The following SERAC1 variants were observed in gnomAD, a reference collection of about 807,000 sequenced individuals.
SERAC1 encodes the protein serine active site containing 1, also known as protein SERAC1.
A neutral mutation model predicts 85.7 loss-of-function variants in SERAC1; 36 were observed. The ratio of observed to expected loss-of-function variants is 0.42; its 90% CI spans 0.32 to 0.55. The LOEUF is 0.55. Ranked by LOEUF, SERAC1 falls within the 20% of genes least tolerant of loss-of-function variation. The pLI, the probability that SERAC1 is intolerant of heterozygous loss-of-function variation, is 0.11. For synonymous variants in SERAC1, 242 were observed against 265.3 expected (o/e 0.91, Z 0.85); for missense variants, 629 against 796.2 (o/e 0.79, Z 2.53).
At chr6:158,136,992 T>C (rs1784809213) in intron 8 of SERAC1, among the ~76,000 whole-genome samples, 1 of 152,012 alleles carries the variant, frequency 6.6e-6, no homozygotes, top group Non-Finnish European at 1.5e-5. Context: ...ACCCCGTCTC[T>C]ACTAAAAATA....
chr6:158,167,600 C>G (rs1265321111), intron 1 of SERAC1, among the ~76,000 whole-genome samples: 3 of 149,210 alleles, frequency 2.0e-5, no homozygotes, highest in Admixed American at 1.3e-4. Flanking sequence ...ACCTAAGGAA[C>G]AGAAAACAAG....
rs1039073082 is a variant in SERAC1, at chr6:158,168,127, C to G, written c.-2+13G>C. 6.6e-6 allele frequency: 1 copy of G among 152,576 alleles called. No homozygotes were observed. Among genetic ancestry groups the G allele is most frequent in the Non-Finnish European group, 1.5e-5 (1 of 68,370 alleles). The allele number at this position is 152,576 out of a possible 1,614,324, so 9.5% of individuals were successfully genotyped here. On this transcript the variant is annotated intron_variant, in intron 1 of 16. Coordinates refer to ENST00000647468, the MANE Select transcript of SERAC1 (RefSeq NM_032861.4). ...CCGTCCGCCCCCACACCACCCCTGCCTTCACGTCCTACCTGCCGGCAGGCG... is the reference window on the plus strand; with the variant it reads ...CCGTCCGCCCCCACACCACCCCTGCGTTCACGTCCTACCTGCCGGCAGGCG...
rs1385785797 is a variant in SERAC1 at position 158,155,409 on chromosome 6, T to C, written c.92-58A>G. ...TCATTTTTAAAAGTGTGAAAGGAAATAGGCAACAGTGTAAGTCTCTACCTA... is the reference window on the plus strand; with the variant it reads ...TCATTTTTAAAAGTGTGAAAGGAAACAGGCAACAGTGTAAGTCTCTACCTA... On this transcript the variant is annotated intron_variant, in intron 2 of 16. Coordinates refer to ENST00000647468, the MANE Select transcript of SERAC1 (RefSeq NM_032861.4). 11 of 998,124 alleles carry C rather than the reference T, an allele frequency of 1.1e-5. No individual in the cohort carries two copies. In the Admixed American group the frequency reaches 1.1e-4, roughly 10 times the overall value. 61.8% of individuals were successfully genotyped at this position (998,124 alleles called of 1,614,324 possible). A position where few individuals can be genotyped will look rare whatever the true frequency, so the allele number is the denominator to read the frequency against.
chr6:158,143,224 C>G, intron 7 of SERAC1, 40 bp from the exon 8 acceptor site: 1 of 1,587,736 alleles, frequency 6.3e-7, no homozygotes, highest in Non-Finnish European at 8.5e-7. Flanking sequence ...AAATACTCAA[C>G]AACTGAGTAC....
Position 158,146,900 on chromosome 6 carries a change from T to C in SERAC1, c.369A>G (p.Thr123=), listed in dbSNP as rs1398924303. Reference sequence around the variant, plus strand: ...CACACTCATGATCTTCTATATCAACTGTACTAAAAGGATCTTTGCAAAAAG... The same window carrying C: ...CACACTCATGATCTTCTATATCAACCGTACTAAAAGGATCTTTGCAAAAAG... ...LRNPFADPFS[T]VDIEDHECAV... Residue 123 remains threonine (T), a synonymous_variant, in exon 6 of 17, where the codon ACA becomes ACG. Transcript: ENST00000647468. 2 of 1,613,266 alleles carry C rather than the reference T, an allele frequency of 1.2e-6. No individual in the cohort carries two copies. The highest frequency in any genetic ancestry group is 1.7e-5 in the Admixed American group (1 of 59,978).
chr6:158,138,036 A>G (rs963473983), intron 8 of SERAC1, among the ~76,000 whole-genome samples: 4 of 152,188 alleles, frequency 2.6e-5, no homozygotes, highest in African/African-American at 9.7e-5. Flanking sequence ...ACACAAACAC[A>G]TGATATGTTA....
rs139553840 is a variant in SERAC1, at chr6:158,111,426, A to G, written c.1905T>C (p.Phe635=). The part of the protein sequence containing the change: ...NICKPKKKDA[F]LYQRTLQFIR... ...TGAATTGTAAAGTACGCTGGTACAA[A>G]AAAGCATCCTTTTTCTTTGGCTTAC... Residue 635 remains phenylalanine, a synonymous_variant, in exon 17 of 17, where the codon TTT becomes TTC. Transcript: ENST00000647468. 6.2e-7 allele frequency: 1 copy of G among 1,612,052 alleles called. No homozygotes were observed. Among genetic ancestry groups the G allele is most frequent in the African/African-American group, 1.3e-5 (1 of 74,840 alleles).
Position 158,143,049 on chromosome 6 carries a change from A to G in SERAC1, c.738+7T>C, listed in dbSNP as rs1784954711. On this transcript the variant is annotated splice_region_variant and intron_variant, in intron 8 of 16. Coordinates refer to ENST00000647468, the MANE Select transcript of SERAC1 (RefSeq NM_032861.4). ...AAAATATTTACTGAATGAATACATG[A>G]ACTAACCTTCTGAGCAGCTAGACTC... is the stretch of plus-strand genomic sequence containing the variant. The G allele has an allele frequency of 1.2e-6, 2 of 1,604,956 alleles. No individual in the cohort carries two copies. Among genetic ancestry groups the G allele is most frequent in the African/African-American group, 2.7e-5 (2 of 74,480 alleles).
At chr6:158,153,983 AAAT>A (rs140381358) in intron 3 of SERAC1, among the ~76,000 whole-genome samples, 21,358 of 150,736 alleles carry the variant, frequency 0.14, 2,388 homozygotes, top group East Asian at 0.42. Context: ...ATACAAATAC[AAAT>A]AATAATAATA....
chr6:158,113,261 T>G, intron 16 of SERAC1, 188 bp downstream of exon 16: 1 of 543,890 alleles, frequency 1.8e-6, no homozygotes, highest in Non-Finnish European at 3.2e-6. Context: ...CAGGGAGAGG[T>G]AATACCCGGG....
At chr6:158,111,554 CTTGA>C in intron 16 of SERAC1, 52 bp from the exon 17 acceptor site, 1 of 1,428,280 alleles carries the variant, frequency 7.0e-7, no homozygotes, top group East Asian at 2.4e-5. Context: ...AAGCTTTCCC[CTTGA>C]CAATACTGAA....
At chr6:158,146,311 G>A (rs1785053384) in intron 6 of SERAC1, 1 of 150,838 alleles carries the variant, frequency 6.6e-6, no homozygotes, top group African/African-American at 2.5e-5. Context: ...TATCACTGAA[G>A]CTTCTTAAAA....
rs1250894154 is a variant in SERAC1, at chr6:158,111,413, T to G, written c.1918A>C (p.Thr640Pro). The change falls in exon 17 of 17, where the codon ACT becomes CCT. Residue 640 changes from threonine to proline, a missense_variant. Transcript: ENST00000647468. Reference protein sequence around the residue: ...KKKDAFLYQRTLQFIREALAK... With the variant: ...KKKDAFLYQRPLQFIREALAK... Reference sequence around the variant, plus strand: ...AAAGCTTCACGAATGAATTGTAAAGTACGCTGGTACAAAAAAGCATCCTTT... The same window carrying G: ...AAAGCTTCACGAATGAATTGTAAAGGACGCTGGTACAAAAAAGCATCCTTT... 6.2e-7 allele frequency: 1 copy of G among 1,611,440 alleles called. No homozygotes were observed.
At chr6:158,115,050 A>G in intron 14 of SERAC1, 79 bp from the exon 15 acceptor site, 1 of 1,379,610 alleles carries the variant, frequency 7.2e-7, no homozygotes. Flanking sequence ...AAAAGGCCAA[A>G]CAAGAAATAC....
In SERAC1 at chr6:158,111,341, T is replaced by C. The variant is rs752327642; in HGVS notation, c.*25A>G. 6.4e-7 allele frequency: 1 copy of C among 1,559,262 alleles called. No individual in the cohort carries two copies. ...CCAAGTTTCTTGCACTGAATTCACA[T>C]ATGAAAACTGGAAGAGCACAACTGT... is the stretch of plus-strand genomic sequence containing the variant. On this transcript the variant is annotated 3_prime_UTR_variant, in exon 17 of 17. Transcript: ENST00000647468.
rs562225471 is a variant in SERAC1 at position 158,156,130 on chromosome 6, C to CA, written c.92-780dup. Among the ~76,000 whole-genome samples, 16 of 152,276 alleles carry CA rather than the reference C, an allele frequency of 1.1e-4. No individual in the cohort carries two copies. In the South Asian group the frequency reaches 3.3e-3, roughly 32 times the overall value. The stretch of plus-strand genomic sequence containing the variant: ...TGCCACTGCACTCCAGCCTGGTCGA[C>CA]AGAGCAAGACTCCATCTTAAAATAA... On this transcript the variant is annotated intron_variant, in intron 2 of 16. Coordinates refer to ENST00000647468, the MANE Select transcript of SERAC1 (RefSeq NM_032861.4).
At chr6:158,116,105 GATAAA>G (rs1784282000) in intron 14 of SERAC1, 75 bp downstream of exon 14, 9 of 1,159,662 alleles carry the variant, frequency 7.8e-6, no homozygotes, top group African/African-American at 4.6e-5. Context: ...AAAATGGAAA[GATAAA>G]ATAACTTTAG....
At chr6:158,115,196 A>C (rs1455052400) in intron 14 of SERAC1, among the ~76,000 whole-genome samples, 2 of 152,210 alleles carry the variant, frequency 1.3e-5, no homozygotes, top group Admixed American at 1.3e-4. Context: ...GGATTCTAGA[A>C]ACTCATTTGT....
At chr6:158,156,727 A>ATG (rs887096517) in intron 2 of SERAC1, among the ~76,000 whole-genome samples, 7 of 142,502 alleles carry the variant, frequency 4.9e-5, no homozygotes, top group African/African-American at 1.8e-4. Context: ...AAAAATCTTT[A>ATG]TATATATATA....
Sources: gnomAD v4.1 joint callset for allele counts (sites outside exome capture counted in the v4.1 genomes callset) on GRCh38, gnomAD v4.1.1 for gene constraint, MANE v1.5 for transcripts, NCBI Gene and HGNC (gene_info 2026-07-23, HGNC 2026-07-21) for gene names.